The following GSDMB variants were observed in gnomAD, a reference collection of about 807,000 sequenced individuals.
The protein encoded by GSDMB is gasdermin B, also known as gasdermin-B.
GSDMB carries 32 observed loss-of-function variants against 42.9 expected under a neutral mutation model. The observed-to-expected ratio is 0.75, with a 90% CI of 0.56 to 1.00. The LOEUF (loss-of-function observed/expected upper bound fraction) is 1.00. GSDMB is among the 50% of genes least tolerant of loss of function. The pLI, the probability that GSDMB is intolerant of heterozygous loss-of-function variation, is 0.00. For synonymous variants in GSDMB, 175 were observed against 193.7 expected (o/e 0.90, Z 0.80); for missense variants, 468 against 498.5 (o/e 0.94, Z 0.58).
At chr17:39,908,800 T>A (rs934189170) in intron 5 of GSDMB, among the ~76,000 whole-genome samples, 158 bp downstream of exon 5, 35 of 152,248 alleles carry the variant, frequency 2.3e-4, no homozygotes, top group African/African-American at 7.9e-4. Context: ...GCCTCAGTCC[T>A]TCCTAGTGCT....
At chr17:39,907,916 A>G (rs537497613) in intron 6 of GSDMB, among the ~76,000 whole-genome samples, 1 of 152,096 alleles carries the variant, frequency 6.6e-6, no homozygotes, top group African/African-American at 2.4e-5. Context: ...CTAGGCCAAC[A>G]AGACTTCAGG....
At position 39,906,149 on chromosome 17, in the gene GSDMB, G is replaced by A. The variant is rs769253681; in HGVS notation, c.850C>T (p.Leu284Phe). 8.1e-6 allele frequency: 13 copies of A among 1,614,030 alleles called. No homozygotes were observed. In the African/African-American group the frequency reaches 1.5e-4, roughly 18 times the overall value. The change falls in exon 8 of 11, where the codon CTC becomes TTC. Residue 284 changes from leucine to phenylalanine, a missense_variant. Coordinates refer to ENST00000418519, the MANE Select transcript of GSDMB (RefSeq NM_001165958.2). ...KDVLNSLAKCLGKEDIRQDLE... is the reference protein window; with the variant it reads ...KDVLNSLAKCFGKEDIRQDLE... ...TCCTGCCGAATATCCTCCTTGCCGAGGCACTTAGCGAGGGAGTTTAGCACA... is the reference window on the plus strand; with the variant it reads ...TCCTGCCGAATATCCTCCTTGCCGAAGCACTTAGCGAGGGAGTTTAGCACA...
At position 39,917,075 on chromosome 17, in the gene GSDMB, T is replaced by C. The variant is rs767839254; in HGVS notation, c.235+7A>G. On this transcript the variant is annotated splice_region_variant and intron_variant, in intron 2 of 10. Transcript: ENST00000418519. ...GGCTGGCCACCTGTCATCTACCTTATACTGACCTTGGAGCCCAGAATCCAG... is the reference window on the plus strand; with the variant it reads ...GGCTGGCCACCTGTCATCTACCTTACACTGACCTTGGAGCCCAGAATCCAG... The C allele has an allele frequency of 1.2e-6, 2 of 1,600,814 alleles. No homozygotes were observed. The highest frequency in any genetic ancestry group is 1.7e-4 in the Middle Eastern group (1 of 6,032).
chr17:39,906,822 C>T (rs1200045979), intron 7 of GSDMB, 139 bp downstream of exon 7: 1 of 1,517,626 alleles, frequency 6.6e-7, no homozygotes, highest in Non-Finnish European at 8.8e-7. Context: ...AGCCTCCAGA[C>T]TAAAGTTGAA....
rs900240116 is a variant in GSDMB, at chr17:39,905,089, T to G, written c.1099-125A>C. ...CGTAATAATCCATCATGGCACTCTT[T>G]CCTGCAGAGCCCGGAGAGCTTCATA... On this transcript the variant is annotated intron_variant, in intron 10 of 10. Coordinates refer to ENST00000418519, the MANE Select transcript of GSDMB (RefSeq NM_001165958.2). 3 of 806,932 alleles carry G rather than the reference T, an allele frequency of 3.7e-6. No individual in the cohort carries two copies. In the African/African-American group the frequency reaches 5.1e-5, roughly 14 times the overall value. 50.0% of individuals were successfully genotyped at this position (806,932 alleles called of 1,614,324 possible).
intron 3 of GSDMB, 36 bp from the exon 4 acceptor site, chr17:39,909,960 T>G: frequency 1.3e-6 from 2 of 1,543,526 alleles, no homozygotes; most frequent in Non-Finnish European, 1.8e-6. Context: ...GTTAAGGATC[T>G]CAGGGCCTTA....
intron 10 of GSDMB, 24 bp from the exon 11 acceptor site, chr17:39,904,988 T>C: frequency 5.0e-6 from 8 of 1,608,818 alleles, no homozygotes; most frequent in South Asian, 1.1e-5. Context: ...CCCCAGATTG[T>C]AACAGCTAGG....
chr17:39,918,331 G>A (rs1430882423), intron 1 of GSDMB: 1 of 152,208 alleles, frequency 6.6e-6, no homozygotes, highest in Non-Finnish European at 1.5e-5. Flanking sequence ...AAAGCTTCCT[G>A]GGATCCACTT....
At position 39,905,860 on chromosome 17, in the gene GSDMB, C is replaced by T. The variant is rs774247542; in HGVS notation, c.1014G>A (p.Leu338=). The part of the protein sequence containing the change: ...EARAKAILDF[L]DALLELSEEQ... Reference sequence around the variant, plus strand: ...ACCCTTCCTCACCTAGCAGGGCATCCAGGAAGTCCAGAATGGCTTTTGCAC... The same window carrying T: ...ACCCTTCCTCACCTAGCAGGGCATCTAGGAAGTCCAGAATGGCTTTTGCAC... The change falls in exon 9 of 11, where the codon CTG becomes CTA. Residue 338 remains leucine, a synonymous_variant. Transcript: ENST00000418519. The T allele has an allele frequency of 6.2e-7, 1 of 1,613,886 alleles. No homozygotes were observed. The highest frequency in any genetic ancestry group is 8.5e-7 in the Non-Finnish European group (1 of 1,179,912).
Position 39,917,386 on chromosome 17 carries a change from T to C in GSDMB, c.-14-56A>G, listed in dbSNP as rs573360907. 83 of 1,042,280 alleles carry C rather than the reference T, an allele frequency of 8.0e-5. 2 individuals carry two copies. In the South Asian group the frequency reaches 1.1e-3, roughly 13 times the overall value. 64.6% of individuals were successfully genotyped at this position (1,042,280 alleles called of 1,614,324 possible). On this transcript the variant is annotated intron_variant, in intron 1 of 10. Transcript: ENST00000418519. ...GGAGGAGGGTATTGGTTCAAGTATT[T>C]AAATCTTCCACATTTGGCAGCCTGA...
At chr17:39,913,965 C>T (rs2063661161) in intron 2 of GSDMB, among the ~76,000 whole-genome samples, 1 of 152,086 alleles carries the variant, frequency 6.6e-6, no homozygotes, top group African/African-American at 2.4e-5. Flanking sequence ...TTTGTGTGTA[C>T]ATGAGACACT....
At chr17:39,916,702 C>T (rs113894104) in intron 2 of GSDMB, among the ~76,000 whole-genome samples, 4,122 of 152,244 alleles carry the variant, frequency 0.027, 74 homozygotes, top group Non-Finnish European at 0.042. Context: ...CAGAGCCAGG[C>T]TTTGAAACCA....
At chr17:39,917,363 AG>A in intron 1 of GSDMB, 33 bp from the exon 2 acceptor site, 1 of 1,265,070 alleles carries the variant, frequency 7.9e-7, no homozygotes, top group Non-Finnish European at 1.2e-6. Context: ...AGTTTTTGGG[AG>A]GAGGGTATTG....
intron 5 of GSDMB, among the ~76,000 whole-genome samples, chr17:39,908,581 T>C (rs565674662): frequency 1.3e-5 from 2 of 152,228 alleles, no homozygotes; most frequent in East Asian, 1.9e-4. Flanking sequence ...GGTTTCACCA[T>C]GTTGGCTAGG....
chr17:39,913,647 T>C (rs1185191382), intron 2 of GSDMB, among the ~76,000 whole-genome samples: 2 of 152,204 alleles, frequency 1.3e-5, no homozygotes, highest in Non-Finnish European at 2.9e-5. Flanking sequence ...CTGTTGTTTG[T>C]ATGAACCACA....
intron 2 of GSDMB, among the ~76,000 whole-genome samples, chr17:39,916,777 A>G (rs1299624107): frequency 6.6e-6 from 1 of 152,168 alleles, no homozygotes; most frequent in Non-Finnish European, 1.5e-5. Flanking sequence ...TCATTTACTT[A>G]TTCATTTAAA....
Position 39,908,157 on chromosome 17 carries a change from A to ATCC in GSDMB, c.700+18_700+19insGGA. 1 of 1,397,328 alleles carries ATCC rather than the reference A, an allele frequency of 7.2e-7. No individual in the cohort carries two copies. Among genetic ancestry groups the ATCC allele is most frequent in the Non-Finnish European group, 1.0e-6 (1 of 1,004,230 alleles). The allele number at this position is 1,397,328 out of a possible 1,614,324, so 86.6% of individuals were successfully genotyped here. On this transcript the variant is annotated intron_variant, in intron 6 of 10. Coordinates refer to ENST00000418519, the MANE Select transcript of GSDMB (RefSeq NM_001165958.2). ...GCCCATTCTGAAATGACGAACGGGAAGCCCAGCAGCTCACTCACCTTCTGG... is the reference window on the plus strand; with the variant it reads ...GCCCATTCTGAAATGACGAACGGGAATCCGCCCAGCAGCTCACTCACCTTCTGG...
intron 2 of GSDMB, among the ~76,000 whole-genome samples, chr17:39,916,588 C>T (rs867370009): frequency 2.0e-5 from 3 of 152,080 alleles, no homozygotes; most frequent in East Asian, 3.9e-4. Context: ...CCGCACCCAT[C>T]CCTCACTTGA....
chr17:39,917,067 C>G lies in GSDMB; in HGVS notation c.235+15G>C. ...GGCCTCCTGGCTGGCCACCTGTCAT[C>G]TACCTTATACTGACCTTGGAGCCCA... is the stretch of plus-strand genomic sequence containing the variant. On this transcript the variant is annotated intron_variant, in intron 2 of 10. Transcript: ENST00000418519. 6.3e-7 allele frequency: 1 copy of G among 1,578,550 alleles called. No homozygotes were observed. The highest frequency in any genetic ancestry group is 8.7e-7 in the Non-Finnish European group (1 of 1,148,132).
Sources: gnomAD v4.1 joint callset for allele counts (sites outside exome capture counted in the v4.1 genomes callset) on GRCh38, gnomAD v4.1.1 for gene constraint, MANE v1.5 for transcripts, NCBI Gene and HGNC (gene_info 2026-07-23, HGNC 2026-07-21) for gene names.